RPE65: variants seen among roughly 807,000 people sequenced by gnomAD.
RPE65 encodes retinoid isomerohydrolase.
Under a neutral mutation model 68.5 loss-of-function variants are expected in RPE65, and 58 were observed. The observed-to-expected ratio is 0.85, with a 90% CI of 0.69 to 1.05. The LOEUF (loss-of-function observed/expected upper bound fraction) is 1.05. Among genes scored for constraint, RPE65 ranks in the 50% least tolerant of loss-of-function variants. RPE65 has a pLI of 0.00. For missense variants in RPE65, 643 were observed against 629.9 expected, an observed-to-expected ratio of 1.02 and a Z score of -0.22; for synonymous variants, 220 against 222.2, an observed-to-expected ratio of 0.99 and a Z score of 0.09.
chr1:68,430,854 T>C (rs1369462994), intron 13 of RPE65, among the ~76,000 whole-genome samples: 2 of 152,148 alleles, frequency 1.3e-5, no homozygotes, highest in Non-Finnish European at 2.9e-5. Flanking sequence ...AAATGGTGCT[T>C]TGACATTTTT....
intron 3 of RPE65, among the ~76,000 whole-genome samples, chr1:68,445,298 G>T (rs1225897554): frequency 1.3e-5 from 2 of 151,840 alleles, no homozygotes; most frequent in African/African-American, 4.8e-5. Flanking sequence ...TTCCGGACAT[G>T]GTGTGCTGAA....
At chr1:68,440,302 T>A (rs573567736) in intron 6 of RPE65, among the ~76,000 whole-genome samples, 2 of 152,310 alleles carry the variant, frequency 1.3e-5, no homozygotes, top group African/African-American at 4.8e-5. Flanking sequence ...AATAATTCCA[T>A]CATCAAGGTG....
intron 6 of RPE65, among the ~76,000 whole-genome samples, chr1:68,440,221 T>C (rs1645892180): frequency 6.6e-6 from 1 of 152,188 alleles, no homozygotes; most frequent in African/African-American, 2.4e-5. Context: ...TCCTAGGTGA[T>C]GGTCTTGGTC....
chr1:68,439,738 T>C, intron 6 of RPE65, 96 bp from the exon 7 acceptor site: 1 of 950,532 alleles, frequency 1.1e-6, no homozygotes, highest in Non-Finnish European at 1.7e-6. Context: ...AAGAAACACA[T>C]TTTGATTGTT....
intron 2 of RPE65, 25 bp from the exon 3 acceptor site, chr1:68,446,885 T>G: frequency 1.2e-6 from 2 of 1,612,600 alleles, no homozygotes; most frequent in South Asian, 2.2e-5. Context: ...AGACAGAACA[T>G]TGCTTCTTAT....
At position 68,429,245 on chromosome 1, in the gene RPE65, T is replaced by C. The variant is rs3118418; in HGVS notation, c.*531A>G. 28,216 of 154,528 alleles carry C rather than the reference T, an allele frequency of 0.18. 2,712 individuals are homozygous for C. The highest frequency in any genetic ancestry group is 0.24 in the Admixed American group (3,680 of 15,638). The allele number at this position is 154,528 out of a possible 1,614,324, so 9.6% of individuals were successfully genotyped here. A position where few individuals can be genotyped will look rare whatever the true frequency, so the allele number is the denominator to read the frequency against. On this transcript the variant is annotated 3_prime_UTR_variant, in exon 14 of 14. Transcript: ENST00000262340. ...AGGTTAACATTCATAAGATTCATAA[T>C]CTTTGAGCAGTTACGTATACGCAAA...
At chr1:68,447,269 A>T (rs1341540877) in intron 2 of RPE65, among the ~76,000 whole-genome samples, 1 of 152,240 alleles carries the variant, frequency 6.6e-6, no homozygotes, top group Non-Finnish European at 1.5e-5. Flanking sequence ...ATTAAGAGTG[A>T]GAATAAATGT....
intron 1 of RPE65, among the ~76,000 whole-genome samples, chr1:68,449,461 T>C (rs992046648): frequency 6.6e-6 from 1 of 152,238 alleles, no homozygotes; most frequent in African/African-American, 2.4e-5. Flanking sequence ...AAACAATTAC[T>C]ATGTCCTACA....
chr1:68,443,219 T>A (rs1239012452), intron 5 of RPE65, among the ~76,000 whole-genome samples: 2 of 152,248 alleles, frequency 1.3e-5, no homozygotes, highest in Non-Finnish European at 2.9e-5. Context: ...CCCTTGACAT[T>A]AACTACTCTA....
rs957256058 is a variant in RPE65 at position 68,434,119 on chromosome 1, C to T, written c.1129-2534G>A. Among the ~76,000 whole-genome samples, 311 of 148,582 alleles carry T rather than the reference C, an allele frequency of 2.1e-3. 2 individuals carry two copies. Among genetic ancestry groups the T allele is most frequent in the Middle Eastern group, 0.01 (3 of 290 alleles). On this transcript the variant is annotated intron_variant, in intron 10 of 13. Transcript: ENST00000262340. ...ATATATATATATATATATATATACA[C>T]ACACACACACACACACACACATATA...
At chr1:68,441,712 C>T (rs1326905258) in intron 5 of RPE65, among the ~76,000 whole-genome samples, 2 of 152,076 alleles carry the variant, frequency 1.3e-5, no homozygotes, top group Non-Finnish European at 1.5e-5. Context: ...GATAAATCAG[C>T]ACTAGATTTC....
chr1:68,447,004 G>T (rs751898884), intron 2 of RPE65, 144 bp from the exon 3 acceptor site: 5 of 1,077,382 alleles, frequency 4.6e-6, no homozygotes, highest in Non-Finnish European at 7.0e-6. Context: ...CAGCCCTCGC[G>T]CTGGACAGCA....
At chr1:68,437,878 A>C (rs925219990) in intron 10 of RPE65, among the ~76,000 whole-genome samples, 1 of 152,234 alleles carries the variant, frequency 6.6e-6, no homozygotes, top group Non-Finnish European at 1.5e-5. Flanking sequence ...CATAGGAATC[A>C]GTGGATCTGC....
chr1:68,448,775 C>T, intron 1 of RPE65, 69 bp from the exon 2 acceptor site: 2 of 1,308,762 alleles, frequency 1.5e-6, no homozygotes, highest in Admixed American at 2.0e-5. Flanking sequence ...AGAGGCAGAG[C>T]TGCAGGAGAG....
chr1:68,438,965 A>G lies in RPE65; in HGVS notation c.975T>C (p.Ile325=), dbSNP rs761227832. The G allele has an allele frequency of 6.2e-7, 1 of 1,614,070 alleles. No individual in the cohort carries two copies. The highest frequency in any genetic ancestry group is 8.5e-7 in the Non-Finnish European group (1 of 1,179,958). Residue 325 remains isoleucine, a synonymous_variant, in exon 9 of 14, where the codon ATT becomes ATC. Coordinates refer to ENST00000262340, the MANE Select transcript of RPE65 (RefSeq NM_000329.3). The part of the protein sequence containing the change: ...INTYEDNGFL[I]VDLCCWKGFE... ...ACCCTTTCCAGCAGCAGAGATCCAC[A>G]ATCAGAAACCCATTGTCTTCATAGG...
chr1:68,432,107 C>G (rs1007713561), intron 10 of RPE65, among the ~76,000 whole-genome samples: 1 of 147,564 alleles, frequency 6.8e-6, no homozygotes, highest in African/African-American at 2.5e-5. Context: ...CCTAAGATCT[C>G]TTGTCACACA....
At chr1:68,437,965 G>T (rs1360865092) in intron 10 of RPE65, among the ~76,000 whole-genome samples, 1 of 152,128 alleles carries the variant, frequency 6.6e-6, no homozygotes, top group Admixed American at 6.5e-5. Flanking sequence ...TAAAAACCTG[G>T]TTCTTATCCT....
chr1:68,439,266 C>A lies in RPE65; in HGVS notation c.783G>T (p.Leu261=), dbSNP rs188493184. The change falls in exon 8 of 14, where the codon CTG becomes CTT. Residue 261 remains leucine (L), a synonymous_variant. Transcript: ENST00000262340. ...VFVETPVKIN[L]FKFLSSWSLW... ...GACTCCATGAAGAAAGGAACTTGAA[C>A]AGGTTAATTTTGACTGGTGTCTCCA... The A allele has an allele frequency of 8.9e-5, 144 of 1,613,958 alleles. No individual in the cohort carries two copies. The East Asian group carries it at 3.2e-3, about 36-fold the overall frequency.
At chr1:68,431,636 G>T in intron 10 of RPE65, 51 bp from the exon 11 acceptor site, 2 of 1,465,364 alleles carry the variant, frequency 1.4e-6, no homozygotes. Context: ...AATTCAAACA[G>T]CCAGAAATGC....
Sources: allele counts gnomAD v4.1 joint callset (sites outside exome capture counted in the v4.1 genomes callset), GRCh38; gene constraint gnomAD v4.1.1; transcripts MANE v1.5; gene names NCBI Gene and HGNC (gene_info 2026-07-23, HGNC 2026-07-21).